The following EFCAB3 variants were observed in gnomAD, a reference collection of about 807,000 sequenced individuals.
The protein encoded by EFCAB3 is EF-hand calcium binding domain 3.
A neutral mutation model predicts 42.2 loss-of-function variants in EFCAB3; 36 were observed. The observed-to-expected ratio is 0.85, with a 90% CI of 0.65 to 1.13. The LOEUF is 1.13. Ranked by LOEUF, EFCAB3 falls within the 50% of genes most tolerant of loss-of-function variation. The pLI is 0.00. For synonymous variants in EFCAB3, 170 were observed against 172.8 expected, an observed-to-expected ratio of 0.98 and a Z score of 0.13; for missense variants, 418 against 505.1, an observed-to-expected ratio of 0.83 and a Z score of 1.65.
chr17:62,381,124 A>T (rs2070193567), intron 1 of EFCAB3, among the ~76,000 whole-genome samples: 1 of 148,596 alleles, frequency 6.7e-6, no homozygotes, highest in Non-Finnish European at 1.5e-5. Context: ...CATCAGGTAT[A>T]TCTCCTAATG....
At chr17:62,403,184 T>G (rs1289831015) in intron 6 of EFCAB3, among the ~76,000 whole-genome samples, 1 of 152,240 alleles carries the variant, frequency 6.6e-6, no homozygotes, top group Non-Finnish European at 1.5e-5. Context: ...TTTTGCCATC[T>G]CAGTGTATTT....
rs376031485 is a variant in EFCAB3 at position 62,394,543 on chromosome 17, T to C, written c.368-525T>C. ...ATTTCTCCCCCAAGGTTATAAATGA[T>C]GTGTAGTTGTACTTGAAATATTGTC... On this transcript the variant is annotated intron_variant, in intron 5 of 9. Coordinates refer to ENST00000305286, the MANE Select transcript of EFCAB3 (RefSeq NM_173503.4). 5.3e-5 allele frequency among the ~76,000 whole-genome samples: 8 copies of C among 152,310 alleles called. No individual in the cohort carries two copies. In the East Asian group the frequency reaches 1.5e-3, roughly 29 times the overall value.
chr17:62,395,883 A>G (rs764870747), intron 6 of EFCAB3, among the ~76,000 whole-genome samples: 2 of 152,078 alleles, frequency 1.3e-5, no homozygotes, highest in Non-Finnish European at 2.9e-5. Flanking sequence ...ACCTAGAGAG[A>G]CTTAAGTGTG....
rs114592394 is a variant in EFCAB3, at chr17:62,387,341, G to A, written c.76G>A (p.Asp26Asn). 790 of 1,609,120 alleles carry A rather than the reference G, an allele frequency of 4.9e-4. 1 individual carries two copies. Among genetic ancestry groups the A allele is most frequent in the Non-Finnish European group, 5.8e-4 (679 of 1,176,954 alleles). Residue 26 changes from aspartate to asparagine, a missense_variant and splice_region_variant, in exon 3 of 10, where the codon GAT becomes AAT. Asp to Asn is a conservative substitution (Grantham distance 23). Transcript: ENST00000305286. ...AAATATTTTCACATCTTTCCTCAGG[G>A]ATAGAGACTTACCAGGATCTCTTCA... is the stretch of plus-strand genomic sequence containing the variant. ...TKVPISHNKR[D>N]RDLPGSLQCQ...
At chr17:62,400,055 T>C (rs1291001923) in intron 6 of EFCAB3, among the ~76,000 whole-genome samples, 1 of 151,964 alleles carries the variant, frequency 6.6e-6, no homozygotes, top group African/African-American at 2.4e-5. Context: ...CCTCCATTTG[T>C]ATACAGGCAA....
At chr17:62,401,830 T>A (rs1429235054) in intron 6 of EFCAB3, among the ~76,000 whole-genome samples, 1 of 152,198 alleles carries the variant, frequency 6.6e-6, no homozygotes, top group Non-Finnish European at 1.5e-5. Context: ...GTAAAGAAAG[T>A]CATTGGTAGC....
At chr17:62,386,952 C>T (rs546812612) in intron 2 of EFCAB3, among the ~76,000 whole-genome samples, 1 of 151,030 alleles carries the variant, frequency 6.6e-6, no homozygotes, top group East Asian at 1.9e-4. Context: ...CCACACCTGG[C>T]TAATTTTTTT....
rs373685015 is a variant in EFCAB3, at chr17:62,414,342, T to C, written c.990+488T>C. Among the ~76,000 whole-genome samples the C allele has an allele frequency of 1.1e-3, 161 of 152,322 alleles. 1 individual carries two copies. In the East Asian group the frequency reaches 0.026, roughly 25 times the overall value. ...TAGGGCAAGTATTCTTTGGGCTATC[T>C]CAATCTATCCTCCTTGGTTCAGCTG... On this transcript the variant is annotated intron_variant, in intron 9 of 9. Transcript: ENST00000305286.
At chr17:62,397,063 T>A (rs2070356474) in intron 6 of EFCAB3, among the ~76,000 whole-genome samples, 1 of 152,160 alleles carries the variant, frequency 6.6e-6, no homozygotes, top group African/African-American at 2.4e-5. Context: ...ACAGTCTGAT[T>A]CCAGAACTCG....
chr17:62,391,320 G>T (rs1298057841), intron 3 of EFCAB3, among the ~76,000 whole-genome samples: 3 of 151,848 alleles, frequency 2.0e-5, no homozygotes, highest in Non-Finnish European at 4.4e-5. Context: ...TGACATTCCA[G>T]TTTCTTTGCT....
upstream of EFCAB3, chr17:62,378,057 G>C: frequency 6.6e-7 from 1 of 1,504,012 alleles, no homozygotes; most frequent in Non-Finnish European, 9.0e-7. Context: ...TGTAAAGATG[G>C]GGCTTAATAC....
In EFCAB3 at chr17:62,391,877, C is replaced by T. The variant is rs202155333; in HGVS notation, c.207C>T (p.Phe69=). Residue 69 remains phenylalanine (F), a synonymous_variant, in exon 4 of 10, where the codon TTC becomes TTT. Transcript: ENST00000305286. ...FYKDKTGCID[F]HGLMCTVAKL... ...AGGACAAAACTGGCTGTATTGATTTCCATGGACTGATGTGCACTGTAGCTA... is the reference window on the plus strand; with the variant it reads ...AGGACAAAACTGGCTGTATTGATTTTCATGGACTGATGTGCACTGTAGCTA... The T allele has an allele frequency of 1.4e-5, 23 of 1,613,836 alleles. No homozygotes were observed. In the East Asian group the frequency reaches 4.9e-4, roughly 34 times the overall value.
intron 8 of EFCAB3, 127 bp downstream of exon 8, chr17:62,407,339 A>G (rs1455473091): frequency 1.3e-6 from 1 of 797,906 alleles, no homozygotes; most frequent in Middle Eastern, 4.2e-4. Context: ...TGCCATAACC[A>G]TGTTCCTAAA....
intron 6 of EFCAB3, among the ~76,000 whole-genome samples, chr17:62,401,742 T>G (rs1241773372): frequency 6.6e-6 from 1 of 152,204 alleles, no homozygotes; most frequent in Non-Finnish European, 1.5e-5. Context: ...AGCTTTGTTC[T>G]TTTTGCTTAG....
chr17:62,388,036 C>T (rs925353492), intron 3 of EFCAB3, among the ~76,000 whole-genome samples: 1 of 152,084 alleles, frequency 6.6e-6, no homozygotes, highest in Non-Finnish European at 1.5e-5. Flanking sequence ...ATGGTGAAAC[C>T]TTGTCTCTAC....
At chr17:62,378,004 C>A, upstream of EFCAB3, 2 of 1,549,578 alleles carry the variant, frequency 1.3e-6, no homozygotes, top group Non-Finnish European at 1.7e-6. Flanking sequence ...TTGAAAACTG[C>A]AAATGATATT....
At chr17:62,393,495 T>C (rs921326779) in intron 4 of EFCAB3, 78 bp from the exon 5 acceptor site, 1 of 1,160,018 alleles carries the variant, frequency 8.6e-7, no homozygotes, top group Admixed American at 2.3e-5. Flanking sequence ...CAGAGTGTTT[T>C]AATTTTTATA....
chr17:62,375,695 A>G (rs1190420113), upstream of EFCAB3, among the ~76,000 whole-genome samples: 1 of 152,208 alleles, frequency 6.6e-6, no homozygotes, highest in Non-Finnish European at 1.5e-5. Context: ...CTCAGAACAA[A>G]CAGTTCTGTA....
intron 2 of EFCAB3, among the ~76,000 whole-genome samples, chr17:62,383,786 T>C (rs2144062380): frequency 6.6e-6 from 1 of 152,136 alleles, no homozygotes; most frequent in Middle Eastern, 3.4e-3. Flanking sequence ...TAGAAGATCA[T>C]AAAGAAGACC....
Sources: allele counts gnomAD v4.1 joint callset (sites outside exome capture counted in the v4.1 genomes callset), GRCh38; gene constraint gnomAD v4.1.1; transcripts MANE v1.5; gene names NCBI Gene and HGNC (gene_info 2026-07-23, HGNC 2026-07-21).